ARHGAP24: variants seen among roughly 807,000 people sequenced by gnomAD.
ARHGAP24 encodes rho GTPase-activating protein 24.
In ARHGAP24, 50 loss-of-function variants were observed where a neutral mutation model predicts 76.4. The observed-to-expected ratio is 0.65, with a 90% CI of 0.52 to 0.83. ARHGAP24 has a LOEUF of 0.83. ARHGAP24 is among the 40% of genes least tolerant of loss of function. The probability of loss-of-function intolerance (pLI) is 0.00; values close to 1 mark genes in which losing one functional copy is unlikely to be tolerated. For missense variants in ARHGAP24, 930 were observed against 914.2 expected (o/e 1.02, Z -0.22); for synonymous variants, 345 against 323.3 (o/e 1.07, Z -0.72).
intron 5 of ARHGAP24, among the ~76,000 whole-genome samples, chr4:85,969,118 C>G (rs1004979573): frequency 5.9e-5 from 9 of 152,066 alleles, no homozygotes; most frequent in African/African-American, 2.2e-4. Context: ...AATGATTCTG[C>G]GGCCCTTCAT....
At chr4:85,978,097 A>AT (rs1453502653) in intron 8 of ARHGAP24, among the ~76,000 whole-genome samples, 1 of 152,238 alleles carries the variant, frequency 6.6e-6, no homozygotes, top group East Asian at 1.9e-4. Flanking sequence ...ATGGTCTTTT[A>AT]TAAGACAATG....
intron 3 of ARHGAP24, among the ~76,000 whole-genome samples, chr4:85,729,894 C>G (rs1305764581): frequency 6.6e-6 from 1 of 151,970 alleles, no homozygotes; most frequent in African/African-American, 2.4e-5. Flanking sequence ...TTTGCTGACC[C>G]CTGGGCTAGA....
chr4:85,776,372 C>G (rs1379751147), intron 3 of ARHGAP24, among the ~76,000 whole-genome samples: 1 of 152,142 alleles, frequency 6.6e-6, no homozygotes, highest in Non-Finnish European at 1.5e-5. Flanking sequence ...CTAAACTACA[C>G]TAGTATTCTG....
chr4:85,549,871 T>A (rs1342522099), intron 1 of ARHGAP24, among the ~76,000 whole-genome samples: 1 of 152,250 alleles, frequency 6.6e-6, no homozygotes, highest in African/African-American at 2.4e-5. Context: ...TTTGGTTTTC[T>A]GTTCCTGTGT....
Position 85,596,113 on chromosome 4 carries a change from C to G in ARHGAP24, c.180+25392C>G, listed in dbSNP as rs1719826239. Among the ~76,000 whole-genome samples the G allele has an allele frequency of 2.0e-5, 3 of 151,434 alleles. No individual in the cohort carries two copies. In the South Asian group the frequency reaches 6.3e-4, roughly 32 times the overall value. Reference sequence around the variant, plus strand: ...CCTATCTAGTATTGTTACTGGTAACCCAGCAAAGCTTTTTGGTATAAACAG... The same window carrying G: ...CCTATCTAGTATTGTTACTGGTAACGCAGCAAAGCTTTTTGGTATAAACAG... On this transcript the variant is annotated intron_variant, in intron 2 of 9. Transcript: ENST00000395184.
chr4:85,521,246 T>C (rs1649755938), intron 1 of ARHGAP24, among the ~76,000 whole-genome samples: 1 of 152,146 alleles, frequency 6.6e-6, no homozygotes, highest in Admixed American at 6.6e-5. Context: ...TTCCATTTTC[T>C]GGGCGGATGC....
chr4:85,512,982 A>G (rs1288976441), intron 1 of ARHGAP24, among the ~76,000 whole-genome samples: 1 of 152,218 alleles, frequency 6.6e-6, no homozygotes, highest in African/African-American at 2.4e-5. Context: ...GTTTTGACAA[A>G]TGTGCTTGGC....
chr4:85,540,323 A>G (rs952039493), intron 1 of ARHGAP24, among the ~76,000 whole-genome samples: 7 of 152,164 alleles, frequency 4.6e-5, no homozygotes, highest in Admixed American at 1.3e-4. Context: ...GAATACCCAG[A>G]GGCCTATTTT....
chr4:85,639,703 T>TA (rs3028175), intron 2 of ARHGAP24, among the ~76,000 whole-genome samples: 8,616 of 146,810 alleles, frequency 0.059, 816 homozygotes, highest in African/African-American at 0.2. Context: ...GAATAATTGG[T>TA]AAAAAAAAAA....
intron 2 of ARHGAP24, among the ~76,000 whole-genome samples, chr4:85,578,267 C>G (rs1727468418): frequency 6.6e-6 from 1 of 152,138 alleles, no homozygotes; most frequent in African/African-American, 2.4e-5. Context: ...TGCCATCATT[C>G]CATTAGCGTG....
At chr4:85,691,850 A>T (rs1723673538) in intron 2 of ARHGAP24, among the ~76,000 whole-genome samples, 1 of 152,098 alleles carries the variant, frequency 6.6e-6, no homozygotes, top group Non-Finnish European at 1.5e-5. Context: ...CAGGGTTAGT[A>T]TTTATATGTA....
At chr4:85,747,784 T>C (rs1373774283) in intron 3 of ARHGAP24, among the ~76,000 whole-genome samples, 1 of 152,232 alleles carries the variant, frequency 6.6e-6, no homozygotes, top group African/African-American at 2.4e-5. Flanking sequence ...TGAAATAGAA[T>C]AATTTGTAAT....
intron 5 of ARHGAP24, among the ~76,000 whole-genome samples, chr4:85,962,607 T>G (rs970298205): frequency 5.9e-5 from 9 of 152,062 alleles, no homozygotes; most frequent in African/African-American, 2.2e-4. Context: ...ATAGGTCACC[T>G]GAATTGGCAA....
chr4:85,888,568 G>A (rs1279129984), intron 3 of ARHGAP24, among the ~76,000 whole-genome samples: 1 of 151,700 alleles, frequency 6.6e-6, no homozygotes, highest in Admixed American at 6.6e-5. Flanking sequence ...AAATACTGAG[G>A]TATCTTTTTT....
Position 85,915,667 on chromosome 4 carries a change from G to A in ARHGAP24, c.269-7981G>A, listed in dbSNP as rs557787370. Among the ~76,000 whole-genome samples the A allele has an allele frequency of 4.6e-5, 7 of 151,884 alleles. No homozygotes were observed. In the East Asian group the frequency reaches 1.4e-3, roughly 30 times the overall value. Reference sequence around the variant, plus strand: ...CTCCCACTTATGAGTGAGAACACGTGGTGTTTGATTTTCTGTTCCTGTGTT... The same window carrying A: ...CTCCCACTTATGAGTGAGAACACGTAGTGTTTGATTTTCTGTTCCTGTGTT... On this transcript the variant is annotated intron_variant, in intron 3 of 9. Coordinates refer to ENST00000395184, the MANE Select transcript of ARHGAP24 (RefSeq NM_001025616.3).
intron 1 of ARHGAP24, among the ~76,000 whole-genome samples, chr4:85,562,427 T>A (rs552361860): frequency 6.6e-6 from 1 of 152,172 alleles, no homozygotes; most frequent in African/African-American, 2.4e-5. Context: ...AATTTGTGTG[T>A]GTGTGTGTAC....
chr4:85,685,643 A>AAAAGAAAAGAAAAGAAAAGAAAAGAAAAG (rs1157413373), intron 2 of ARHGAP24, among the ~76,000 whole-genome samples: 3,341 of 149,988 alleles, frequency 0.022, 131 homozygotes, highest in African/African-American at 0.08. Context: ...AAAAAAAAAA[A>AAAAGAAAAGAAAAGAAAAGAAAAGAAAAG]AAAAGAAAAG....
chr4:85,680,819 C>A (rs953893350), intron 2 of ARHGAP24, among the ~76,000 whole-genome samples: 3 of 149,894 alleles, frequency 2.0e-5, no homozygotes, highest in Non-Finnish European at 4.4e-5. Context: ...TAAAGCACTA[C>A]ATATATCATG....
At chr4:85,951,285 T>A (rs1737601011) in intron 5 of ARHGAP24, among the ~76,000 whole-genome samples, 1 of 151,872 alleles carries the variant, frequency 6.6e-6, no homozygotes, top group Non-Finnish European at 1.5e-5. Context: ...AATCCATAAT[T>A]TCCCAGAGGA....
Sources: gnomAD v4.1 joint callset for allele counts (sites outside exome capture counted in the v4.1 genomes callset) on GRCh38, gnomAD v4.1.1 for gene constraint, MANE v1.5 for transcripts, NCBI Gene and HGNC (gene_info 2026-07-23, HGNC 2026-07-21) for gene names.